ZNF684: variants seen among roughly 807,000 people sequenced by gnomAD.
The protein encoded by ZNF684 is hypothetical protein MGC27466.
A neutral mutation model predicts 12.8 loss-of-function variants in ZNF684; 13 were observed. The ratio of observed to expected loss-of-function variants is 1.02; its 90% CI spans 0.66 to 1.62. The LOEUF (loss-of-function observed/expected upper bound fraction) is 1.62. ZNF684 is among the 40% of genes most tolerant of loss of function. The probability of loss-of-function intolerance (pLI) is 0.00; values close to 1 mark genes in which losing one functional copy is unlikely to be tolerated. For missense variants in ZNF684, 384 were observed against 446.9 expected (o/e 0.86, Z 1.27); for synonymous variants, 118 against 151.8 (o/e 0.78, Z 1.64).
chr1:40,535,703 A>G (rs1645980236), intron 2 of ZNF684, among the ~76,000 whole-genome samples: 1 of 152,252 alleles, frequency 6.6e-6, no homozygotes. Flanking sequence ...GCTGTCAGTA[A>G]TATAATATAT....
At chr1:40,536,189 C>A (rs1298695194) in intron 2 of ZNF684, among the ~76,000 whole-genome samples, 1 of 151,934 alleles carries the variant, frequency 6.6e-6, no homozygotes, top group Non-Finnish European at 1.5e-5. Context: ...GTCAGGAGAT[C>A]GAGACCATCC....
In ZNF684 at chr1:40,547,283, T is replaced by C. The variant is rs1231039595; in HGVS notation, c.960T>C (p.Ile320=). ...CCGTGCTTGTTACACACCAAAGAAT[T>C]CATACAGGAGAGAAACCTTACAGTT... ...NTSVLVTHQR[I]HTGEKPYSCI... Residue 320 remains isoleucine (I), a synonymous_variant, in exon 5 of 5, where the codon ATT becomes ATC. Coordinates refer to ENST00000372699, the MANE Select transcript of ZNF684 (RefSeq NM_152373.4). The C allele has an allele frequency of 7.4e-6, 12 of 1,614,140 alleles. No individual in the cohort carries two copies. Among genetic ancestry groups the C allele is most frequent in the Non-Finnish European group, 1.0e-5 (12 of 1,180,026 alleles).
At chr1:40,536,220 C>T (rs540736968) in intron 2 of ZNF684, among the ~76,000 whole-genome samples, 4 of 151,788 alleles carry the variant, frequency 2.6e-5, no homozygotes, top group East Asian at 3.9e-4. Flanking sequence ...GGTGAAACCC[C>T]GTCTCTACTA....
At chr1:40,542,457 C>A (rs571046342) in intron 4 of ZNF684, among the ~76,000 whole-genome samples, 1 of 152,276 alleles carries the variant, frequency 6.6e-6, no homozygotes, top group East Asian at 1.9e-4. Context: ...AATTCCCCTC[C>A]AGCTTTTTGT....
chr1:40,532,373 T>TTTC (rs772350635), intron 1 of ZNF684, among the ~76,000 whole-genome samples: 2 of 151,634 alleles, frequency 1.3e-5, no homozygotes, highest in Admixed American at 6.6e-5. Context: ...TTTTTTTTTT[T>TTTC]ACAGTATAGC....
chr1:40,534,128 G>C (rs925799822), intron 2 of ZNF684, among the ~76,000 whole-genome samples: 7 of 150,884 alleles, frequency 4.6e-5, no homozygotes, highest in Non-Finnish European at 1.0e-4. Flanking sequence ...CGCCCGGCCA[G>C]ATATTCTTAT....
At chr1:40,540,139 C>T (rs1347587083) in intron 2 of ZNF684, among the ~76,000 whole-genome samples, 2 of 152,010 alleles carry the variant, frequency 1.3e-5, no homozygotes, top group Admixed American at 6.6e-5. Flanking sequence ...TTTATTTTGT[C>T]ACTTCCACTT....
rs1646058836 is a variant in ZNF684, at chr1:40,547,946, A to G, written c.*486A>G. 6.5e-6 allele frequency: 1 copy of G among 152,710 alleles called. No homozygotes were observed. Among genetic ancestry groups the G allele is most frequent in the Admixed American group, 6.5e-5 (1 of 15,310 alleles). 9.5% of individuals were successfully genotyped at this position (152,710 alleles called of 1,614,324 possible). ...TTTCATCCATTTGCTGGCACTTTTAATGGGCATGACAGTGTTTCTGAATCT... is the reference window on the plus strand; with the variant it reads ...TTTCATCCATTTGCTGGCACTTTTAGTGGGCATGACAGTGTTTCTGAATCT... On this transcript the variant is annotated 3_prime_UTR_variant, in exon 5 of 5. Transcript: ENST00000372699.
At chr1:40,532,030 A>G (rs2124504908) in intron 1 of ZNF684, among the ~76,000 whole-genome samples, 1 of 152,254 alleles carries the variant, frequency 6.6e-6, no homozygotes, top group East Asian at 1.9e-4. Flanking sequence ...TTGTAGGTCA[A>G]GGTCACTATG....
rs1645958796 is a variant in ZNF684, at chr1:40,531,666, C to T, written c.-146C>T. 6.6e-6 allele frequency: 1 copy of T among 152,248 alleles called. No individual in the cohort carries two copies. Among genetic ancestry groups the T allele is most frequent in the African/African-American group, 2.4e-5 (1 of 41,444 alleles). The allele number at this position is 152,248 out of a possible 1,614,324, so 9.4% of individuals were successfully genotyped here. ...GCGTAGTAGGACGGTAGCCGGTATTCAATCTTCAAATCAGCGCCGCGGGAA... is the reference window on the plus strand; with the variant it reads ...GCGTAGTAGGACGGTAGCCGGTATTTAATCTTCAAATCAGCGCCGCGGGAA... On this transcript the variant is annotated 5_prime_UTR_variant, in exon 1 of 5. Transcript: ENST00000372699.
chr1:40,532,668 T>A (rs1361127952), intron 1 of ZNF684, among the ~76,000 whole-genome samples: 1 of 152,088 alleles, frequency 6.6e-6, no homozygotes, highest in African/African-American at 2.4e-5. Context: ...AAAAAAAGTG[T>A]TCCTGGGTCC....
chr1:40,536,603 G>A (rs1468969211), intron 2 of ZNF684, among the ~76,000 whole-genome samples: 7 of 146,028 alleles, frequency 4.8e-5, no homozygotes, highest in East Asian at 4.0e-4. Flanking sequence ...ATGCTGGTGC[G>A]CTACACCCAC....
At chr1:40,542,767 C>A (rs77142967) in intron 4 of ZNF684, among the ~76,000 whole-genome samples, 1 of 152,010 alleles carries the variant, frequency 6.6e-6, no homozygotes, top group Non-Finnish European at 1.5e-5. Context: ...GTCTCAAAAC[C>A]ACTGCATTAA....
In ZNF684 at chr1:40,540,705, C is replaced by G; in HGVS notation, c.135C>G (p.Ile45Met). The G allele has an allele frequency of 6.2e-7, 1 of 1,603,692 alleles. No homozygotes were observed. ...TGTTGGAGAACTATAGAAACCTCAT[C>G]TCAGTGGGTAAGGACAATGAGTGGT... The part of the protein sequence containing the change: ...DVMLENYRNL[I>M]SVGCPITKTK... The change falls in exon 3 of 5, where the codon ATC becomes ATG. Residue 45 changes from isoleucine (I) to methionine (M), a missense_variant. By Grantham distance (10) the Ile-to-Met change is conservative (BLOSUM62 1). Transcript: ENST00000372699.
chr1:40,545,010 C>T (rs1646038902), intron 4 of ZNF684: 1 of 152,138 alleles, frequency 6.6e-6, no homozygotes, highest in Non-Finnish European at 1.5e-5. Flanking sequence ...ATGCATGCTT[C>T]CCATGAGTGA....
chr1:40,547,047 C>A lies in ZNF684; in HGVS notation c.724C>A (p.Pro242Thr), dbSNP rs1477060840. 32 of 1,614,072 alleles carry A rather than the reference C, an allele frequency of 2.0e-5. No individual in the cohort carries two copies. The highest frequency in any genetic ancestry group is 2.7e-5 in the Non-Finnish European group (32 of 1,180,054). Residue 242 changes from proline (P) to threonine (T), a missense_variant, in exon 5 of 5, where the codon CCT becomes ACT. Coordinates refer to ENST00000372699, the MANE Select transcript of ZNF684 (RefSeq NM_152373.4). ...VHQRLHTGEKPYECSQCGKTF... is the reference protein window; with the variant it reads ...VHQRLHTGEKTYECSQCGKTF... ...CCAGAGACTTCACACTGGAGAGAAG[C>A]CTTATGAGTGCAGTCAATGTGGGAA...
At chr1:40,543,669 G>C (rs1570113116) in intron 4 of ZNF684, among the ~76,000 whole-genome samples, 1 of 152,084 alleles carries the variant, frequency 6.6e-6, no homozygotes, top group Non-Finnish European at 1.5e-5. Flanking sequence ...CGTTAGCCAG[G>C]ATGGTCTCGG....
At chr1:40,543,550 G>C (rs186537594) in intron 4 of ZNF684, among the ~76,000 whole-genome samples, 1 of 150,724 alleles carries the variant, frequency 6.6e-6, no homozygotes, top group African/African-American at 2.4e-5. Context: ...TCCGCCTCCC[G>C]GGTTCACGCC....
rs753470986 is a variant in ZNF684 at position 40,546,548 on chromosome 1, G to T, written c.239-14G>T. On this transcript the variant is annotated splice_polypyrimidine_tract_variant and intron_variant, in intron 4 of 4. Transcript: ENST00000372699. Reference sequence around the variant, plus strand: ...AAAAAGTAACTAGGAATGTTTTGTTGTACTCCTTTTTAGAATCTGACTACC... The same window carrying T: ...AAAAAGTAACTAGGAATGTTTTGTTTTACTCCTTTTTAGAATCTGACTACC... 2.6e-6 allele frequency: 4 copies of T among 1,521,228 alleles called. No individual in the cohort carries two copies. Among genetic ancestry groups the T allele is most frequent in the Non-Finnish European group, 3.5e-6 (4 of 1,140,306 alleles). The allele number at this position is 1,521,228 out of a possible 1,614,324, so 94.2% of individuals were successfully genotyped here.
Sources: allele counts gnomAD v4.1 joint callset (sites outside exome capture counted in the v4.1 genomes callset), GRCh38; gene constraint gnomAD v4.1.1; transcripts MANE v1.5; gene names NCBI Gene and HGNC (gene_info 2026-07-23, HGNC 2026-07-21).